The following OTOA variants were observed in gnomAD, a reference collection of about 807,000 sequenced individuals.
OTOA encodes the protein cancer/testis antigen 108.
In OTOA, 70 loss-of-function variants were observed where a neutral mutation model predicts 110.8. The ratio of observed to expected loss-of-function variants is 0.63; its 90% CI spans 0.52 to 0.77. The LOEUF is 0.77. Ranked by LOEUF, OTOA falls within the 30% of genes least tolerant of loss-of-function variation. OTOA has a pLI of 0.00. For synonymous variants in OTOA, 373 were observed against 431.5 expected (o/e 0.86, Z 1.68); for missense variants, 917 against 1,075.8 (o/e 0.85, Z 2.06).
chr16:21,696,466 T>A (rs1366459637), intron 9 of OTOA, among the ~76,000 whole-genome samples: 1 of 152,124 alleles, frequency 6.6e-6, no homozygotes. Flanking sequence ...TACAAGTAGT[T>A]TGCTTTGGTT....
intron 1 of OTOA, among the ~76,000 whole-genome samples, chr16:21,672,010 C>A (rs1966849888): frequency 1.3e-5 from 2 of 152,084 alleles, no homozygotes; most frequent in Admixed American, 6.6e-5. Context: ...CCCTTGTGCC[C>A]TGTTGCAATA....
chr16:21,723,437 G>A (rs1301093582), intron 18 of OTOA, among the ~76,000 whole-genome samples: 2 of 139,920 alleles, frequency 1.4e-5, no homozygotes, highest in South Asian at 2.2e-4. Context: ...TATTGTCTTC[G>A]TTCATTCAAA....
chr16:21,697,904 A>G (rs1897977412), intron 10 of OTOA, 29 bp downstream of exon 10: 1 of 1,544,442 alleles, frequency 6.5e-7, no homozygotes, highest in African/African-American at 1.4e-5. Context: ...TTTATATGTC[A>G]CCATTACTAA....
At chr16:21,735,752 A>C (rs112606518) in intron 21 of OTOA, among the ~76,000 whole-genome samples, 5 of 151,976 alleles carry the variant, frequency 3.3e-5, no homozygotes, top group African/African-American at 1.2e-4. Flanking sequence ...TGCCACCACG[A>C]CTGACTAATT....
intron 20 of OTOA, chr16:21,730,121 C>T (rs1899060839): frequency 1.3e-5 from 2 of 152,458 alleles, no homozygotes; most frequent in Non-Finnish European, 2.9e-5. Context: ...CACCAGCTGT[C>T]ACTGCTAATT....
intron 9 of OTOA, among the ~76,000 whole-genome samples, chr16:21,693,025 C>T (rs1325747849): frequency 2.6e-5 from 4 of 151,404 alleles, no homozygotes; most frequent in African/African-American, 7.3e-5. Context: ...GAGGCTGAGA[C>T]GGGCAGATCA....
In OTOA at chr16:21,687,626, C is replaced by T. The variant is rs754836536; in HGVS notation, c.613C>T (p.Arg205Cys). ...DITERLPRDLREDAFKNLSAV... is the reference protein window; with the variant it reads ...DITERLPRDLCEDAFKNLSAV... ...CACAGAGCGGCTCCCTCGGGACCTGCGCGAGGATGCCTTTAAGAACCTGTG... is the reference window on the plus strand; with the variant it reads ...CACAGAGCGGCTCCCTCGGGACCTGTGCGAGGATGCCTTTAAGAACCTGTG... Residue 205 changes from arginine to cysteine, a missense_variant, in exon 8 of 29, where the codon CGC becomes TGC. Around this residue, in one of 6 missense-constraint regions of OTOA, gnomAD observed 840 missense variants for 910.2 expected, o/e 0.92. Transcript: ENST00000646100. 10 of 1,610,924 alleles carry T rather than the reference C, an allele frequency of 6.2e-6. No individual in the cohort carries two copies. Among genetic ancestry groups the T allele is most frequent in the Admixed American group, 5.0e-5 (3 of 59,830 alleles).
intron 1 of OTOA, among the ~76,000 whole-genome samples, chr16:21,672,306 T>A (rs1371693541): frequency 6.6e-6 from 1 of 152,066 alleles, no homozygotes; most frequent in Non-Finnish European, 1.5e-5. Context: ...TGCTTAAAAA[T>A]TTATTATTTT....
chr16:21,760,335 C>T (rs1306674635), intron 28 of OTOA, 135 bp from the exon 29 acceptor site: 5 of 680,260 alleles, frequency 7.4e-6, no homozygotes, highest in Non-Finnish European at 1.3e-5. Context: ...TCATTGTTCC[C>T]ATTTAAGAGA....
chr16:21,692,927 CAAAAAAAAA>C (rs34170544), intron 9 of OTOA, among the ~76,000 whole-genome samples: 4 of 97,100 alleles, frequency 4.1e-5, no homozygotes, highest in Admixed American at 2.5e-4. Flanking sequence ...GACTCTGTCT[CAAAAAAAAA>C]AAAAAAAAAG....
At position 21,733,387 on chromosome 16, in the gene OTOA, TA is replaced by T. The variant is rs764710716; in HGVS notation, c.2301+2458del. Among the ~76,000 whole-genome samples, 58 of 151,650 alleles carry T rather than the reference TA, an allele frequency of 3.8e-4. 1 individual carries two copies. The highest frequency in any genetic ancestry group is 8.4e-4 in the South Asian group (4 of 4,762). ...GATTCCAAGAGGGACCAATCCATGG[TA>T]TCCAGCCCAGCCCGACTGAGTCAGA... On this transcript the variant is annotated intron_variant, in intron 21 of 28. Coordinates refer to ENST00000646100, the MANE Select transcript of OTOA (RefSeq NM_144672.4).
intron 8 of OTOA, 78 bp downstream of exon 8, chr16:21,687,726 G>A (rs1323557696): frequency 7.8e-7 from 1 of 1,283,614 alleles, no homozygotes; most frequent in African/African-American, 1.5e-5. Flanking sequence ...GGAGTGCAGT[G>A]GTGCAGTCTC....
intron 18 of OTOA, 145 bp downstream of exon 18, chr16:21,723,123 T>A: frequency 1.3e-6 from 1 of 786,662 alleles, no homozygotes; most frequent in Non-Finnish European, 2.2e-6. Flanking sequence ...GCCCTTGAGA[T>A]CCAGGATTTC....
At position 21,707,655 on chromosome 16, in the gene OTOA, T is replaced by TTCTC. The variant is rs747223021; in HGVS notation, c.1105-2231_1105-2228dup. ...TTTCTTTCTTTCTTTCTTTCTTTCT[T>TTCTC]TCTCTTTCTTTCTCTTTCTGTCTCT... On this transcript the variant is annotated intron_variant, in intron 12 of 28. Coordinates refer to ENST00000646100, the MANE Select transcript of OTOA (RefSeq NM_144672.4). 4.8e-4 allele frequency among the ~76,000 whole-genome samples: 48 copies of TTCTC among 100,424 alleles called. 2 individuals are homozygous for TTCTC. Among genetic ancestry groups the TTCTC allele is most frequent in the South Asian group, 4.6e-3 (14 of 3,074 alleles). The allele number at this position is 100,424 out of a possible 152,430, so 65.9% of individuals were successfully genotyped here. A position where few individuals can be genotyped will look rare whatever the true frequency, so the allele number is the denominator to read the frequency against.
chr16:21,682,320 A>G (rs1009029540), intron 6 of OTOA, among the ~76,000 whole-genome samples: 3 of 152,196 alleles, frequency 2.0e-5, no homozygotes, highest in Non-Finnish European at 2.9e-5. Flanking sequence ...TCTTCTGAGG[A>G]TATGACGCAA....
chr16:21,719,588 C>A (rs1013673395), intron 17 of OTOA, 84 bp downstream of exon 17: 1 of 1,255,946 alleles, frequency 8.0e-7, no homozygotes, highest in Non-Finnish European at 1.2e-6. Flanking sequence ...ATCTAAAGAT[C>A]TTTATGCCAG....
intron 1 of OTOA, among the ~76,000 whole-genome samples, chr16:21,673,114 C>T (rs896128165): frequency 6.6e-6 from 1 of 152,120 alleles, no homozygotes; most frequent in East Asian, 1.9e-4. Context: ...TGCCACTGCA[C>T]TGCAGGCTGG....
chr16:21,671,743 G>T (rs1966849464), intron 1 of OTOA, among the ~76,000 whole-genome samples: 1 of 151,962 alleles, frequency 6.6e-6, no homozygotes, highest in African/African-American at 2.4e-5. Context: ...CTTTTGTGAG[G>T]TATAAATTTA....
intron 13 of OTOA, among the ~76,000 whole-genome samples, chr16:21,714,021 G>A (rs1169258962): frequency 6.6e-6 from 1 of 152,076 alleles, no homozygotes; most frequent in Non-Finnish European, 1.5e-5. Context: ...GAAGGCAAGA[G>A]GTCAAAAGGT....
Sources: gnomAD v4.1 joint callset for allele counts (sites outside exome capture counted in the v4.1 genomes callset) on GRCh38, gnomAD v4.1.1 for gene constraint, gnomAD v4.1.1 regional missense constraint, MANE v1.5 for transcripts, NCBI Gene and HGNC (gene_info 2026-07-23, HGNC 2026-07-21) for gene names.